SRGAP2: variants seen among roughly 807,000 people sequenced by gnomAD.
SRGAP2 encodes the protein SLIT-ROBO Rho GTPase activating protein 2, also known as SLIT-ROBO Rho GTPase-activating protein 2.
A neutral mutation model predicts 57.2 loss-of-function variants in SRGAP2; 15 were observed. That is an observed-to-expected ratio of 0.26 (90% CI 0.18 to 0.40). The LOEUF is 0.40. SRGAP2 is among the 10% of genes least tolerant of loss of function. SRGAP2 has a pLI of 1.00. For synonymous variants in SRGAP2, 249 were observed against 248.0 expected (o/e 1.00, Z -0.04); for missense variants, 520 against 669.6 (o/e 0.78, Z 2.47).
chr1:206,437,127 C>T, intron 15 of SRGAP2, 85 bp downstream of exon 15: 1 of 766,018 alleles, frequency 1.3e-6, no homozygotes. Context: ...TAAGAGGTCC[C>T]CAGAGGTCAG....
intron 14 of SRGAP2, among the ~76,000 whole-genome samples, chr1:206,433,951 C>T (rs1661503722): frequency 6.6e-6 from 1 of 152,134 alleles, no homozygotes; most frequent in South Asian, 2.1e-4. Context: ...AACAATTGAG[C>T]ACATAGTAGC....
intron 2 of SRGAP2, among the ~76,000 whole-genome samples, chr1:206,221,944 GC>G (rs1265960370): frequency 2.2e-5 from 1 of 44,798 alleles, no homozygotes; most frequent in African/African-American, 1.4e-4. Context: ...ATGATATCCG[GC>G]CTTTTTTTTT....
chr1:206,452,646 T>C (rs950012655), intron 19 of SRGAP2, among the ~76,000 whole-genome samples: 3 of 152,114 alleles, frequency 2.0e-5, no homozygotes, highest in Admixed American at 2.0e-4. Flanking sequence ...CCCAGCACTT[T>C]GGGAGGCCGA....
Position 206,343,027 on chromosome 1 carries a change from T to C in SRGAP2, c.423+19T>C. ...TAAAAAGGTACAGAGATATTTCTAG[T>C]CACAGAGGTTCTTGGGTGGAGCAAT... On this transcript the variant is annotated intron_variant, in intron 4 of 22. Coordinates refer to ENST00000573034, the MANE Select transcript of SRGAP2 (RefSeq NM_015326.5). 9.3e-7 allele frequency: 1 copy of C among 1,073,940 alleles called. No homozygotes were observed. The highest frequency in any genetic ancestry group is 1.3e-5 in the South Asian group (1 of 77,210). 66.5% of individuals were successfully genotyped at this position (1,073,940 alleles called of 1,614,324 possible).
chr1:206,255,267 C>G (rs1265182461), intron 2 of SRGAP2, among the ~76,000 whole-genome samples: 1 of 151,532 alleles, frequency 6.6e-6, no homozygotes, highest in Admixed American at 6.6e-5. Flanking sequence ...GGTGTCAGCC[C>G]AGCTAGGATT....
At chr1:206,422,670 A>T (rs1002505680) in intron 13 of SRGAP2, among the ~76,000 whole-genome samples, 1 of 152,166 alleles carries the variant, frequency 6.6e-6, no homozygotes, top group East Asian at 1.9e-4. Context: ...TTGCAGCTCC[A>T]CTGTGGCTGC....
rs1370618608 is a variant in SRGAP2 at position 206,333,312 on chromosome 1, C to T, written c.261-9534C>T. On this transcript the variant is annotated intron_variant, in intron 3 of 22. Coordinates refer to ENST00000573034, the MANE Select transcript of SRGAP2 (RefSeq NM_015326.5). Reference sequence around the variant, plus strand: ...ATTCGGCCATCTTGGCTCCTCCCCCCTACACTGAATCATTTATTTTGAGCC... The same window carrying T: ...ATTCGGCCATCTTGGCTCCTCCCCCTTACACTGAATCATTTATTTTGAGCC... The T allele has an allele frequency of 5.7e-6, 7 of 1,223,926 alleles. No homozygotes were observed. The East Asian group carries it at 9.4e-5, about 16-fold the overall frequency. 75.8% of individuals were successfully genotyped at this position (1,223,926 alleles called of 1,614,324 possible). A position where few individuals can be genotyped will look rare whatever the true frequency, so the allele number is the denominator to read the frequency against.
chr1:206,256,528 CT>C (rs1296031787), intron 2 of SRGAP2, among the ~76,000 whole-genome samples: 1 of 148,052 alleles, frequency 6.8e-6, no homozygotes, highest in Non-Finnish European at 1.5e-5. Context: ...ATTGGGTTTT[CT>C]TTGCTAATAG....
At chr1:206,432,267 T>C (rs1378939257) in intron 14 of SRGAP2, among the ~76,000 whole-genome samples, 7 of 152,180 alleles carry the variant, frequency 4.6e-5, no homozygotes, top group Non-Finnish European at 2.9e-5. Context: ...AGTGCGTGAG[T>C]GCTTCACCAT....
intron 2 of SRGAP2, among the ~76,000 whole-genome samples, chr1:206,274,785 G>A (rs1383836069): frequency 3.9e-5 from 6 of 152,134 alleles, no homozygotes; most frequent in African/African-American, 1.4e-4. Context: ...GTATATTCCT[G>A]AGCTTTGCTG....
At chr1:206,446,583 CT>C (rs1485355607) in intron 18 of SRGAP2, among the ~76,000 whole-genome samples, 1 of 152,196 alleles carries the variant, frequency 6.6e-6, no homozygotes, top group Non-Finnish European at 1.5e-5. Flanking sequence ...TAAGAAAGGA[CT>C]TTTTATAAAG....
At chr1:206,448,847 A>G (rs976850449) in intron 18 of SRGAP2, among the ~76,000 whole-genome samples, 1 of 152,142 alleles carries the variant, frequency 6.6e-6, no homozygotes, top group Admixed American at 6.6e-5. Flanking sequence ...AATTGTGCCT[A>G]CATTTTTTGA....
At chr1:206,457,320 A>T (rs918124486) in intron 21 of SRGAP2, among the ~76,000 whole-genome samples, 2 of 152,214 alleles carry the variant, frequency 1.3e-5, no homozygotes, top group Non-Finnish European at 2.9e-5. Context: ...GATAAAAAAG[A>T]CGAGGTCCCT....
intron 4 of SRGAP2, among the ~76,000 whole-genome samples, chr1:206,371,679 C>T (rs111293353): frequency 0.012 from 1,827 of 149,460 alleles, 41 homozygotes; most frequent in African/African-American, 0.042. Flanking sequence ...TGCAGTGAGA[C>T]GAGATCATGC....
At chr1:206,262,468 T>C (rs1363710481) in intron 2 of SRGAP2, among the ~76,000 whole-genome samples, 1 of 150,238 alleles carries the variant, frequency 6.7e-6, no homozygotes, top group East Asian at 2.0e-4. Context: ...GATTGGTACT[T>C]CTGGCAGTAA....
intron 4 of SRGAP2, among the ~76,000 whole-genome samples, chr1:206,353,259 A>G (rs1403400950): frequency 6.6e-6 from 1 of 152,170 alleles, no homozygotes; most frequent in African/African-American, 2.4e-5. Context: ...CATGTATGTT[A>G]GACTACTTGA....
chr1:206,356,863 C>T (rs1676475912), intron 4 of SRGAP2, among the ~76,000 whole-genome samples: 1 of 147,716 alleles, frequency 6.8e-6, no homozygotes, highest in Non-Finnish European at 1.5e-5. Flanking sequence ...CTTTTAAGCC[C>T]AGCCCTTGGG....
At chr1:206,289,459 AGTAGAGAC>A (rs1249928258) in intron 2 of SRGAP2, among the ~76,000 whole-genome samples, 2 of 151,072 alleles carry the variant, frequency 1.3e-5, no homozygotes, top group Non-Finnish European at 3.0e-5. Flanking sequence ...ATTTTTTTTT[AGTAGAGAC>A]GGGGTTTCAC....
intron 3 of SRGAP2, among the ~76,000 whole-genome samples, chr1:206,303,939 G>A (rs1292425786): frequency 4.0e-5 from 6 of 151,506 alleles, no homozygotes; most frequent in African/African-American, 1.5e-4. Flanking sequence ...CACACCCCTA[G>A]TAAATAGTAG....
Sources: allele counts gnomAD v4.1 joint callset (sites outside exome capture counted in the v4.1 genomes callset), GRCh38; gene constraint gnomAD v4.1.1; transcripts MANE v1.5; gene names NCBI Gene and HGNC (gene_info 2026-07-23, HGNC 2026-07-21).